Variants in RIMS4 observed in about 807,000 individuals in gnomAD.
The protein encoded by RIMS4 is regulating synaptic membrane exocytosis protein 4.
In RIMS4, 9 loss-of-function variants were observed where a neutral mutation model predicts 29.0. That is an observed-to-expected ratio of 0.31 (90% CI 0.19 to 0.54). The LOEUF is 0.54. Ranked by LOEUF, RIMS4 falls within the 20% of genes least tolerant of loss-of-function variation. The pLI, the probability that RIMS4 is intolerant of heterozygous loss-of-function variation, is 0.94. For synonymous variants in RIMS4, 130 were observed against 152.9 expected (o/e 0.85, Z 1.10); for missense variants, 193 against 365.7 (o/e 0.53, Z 3.85).
chr20:44,799,219 C>T (rs1315059069), intron 1 of RIMS4, among the ~76,000 whole-genome samples: 2 of 152,042 alleles, frequency 1.3e-5, no homozygotes, highest in Admixed American at 1.3e-4. Context: ...AGGAGAATTA[C>T]ATGAACCCAG....
At chr20:44,808,395 T>G (rs1481283750) in intron 1 of RIMS4, among the ~76,000 whole-genome samples, 3 of 152,130 alleles carry the variant, frequency 2.0e-5, no homozygotes, top group African/African-American at 7.2e-5. Context: ...AGCATGACTT[T>G]GAAGAAAAAC....
At chr20:44,795,818 C>T (rs1568905889) in intron 1 of RIMS4, among the ~76,000 whole-genome samples, 1 of 152,072 alleles carries the variant, frequency 6.6e-6, no homozygotes, top group Non-Finnish European at 1.5e-5. Flanking sequence ...TGGAACAGGT[C>T]ACGCAGCAGC....
At chr20:44,787,131 G>C (rs1237071363) in intron 1 of RIMS4, among the ~76,000 whole-genome samples, 1 of 152,138 alleles carries the variant, frequency 6.6e-6, no homozygotes, top group Non-Finnish European at 1.5e-5. Context: ...GAAACGTAAA[G>C]GCCCGTGGCA....
Position 44,756,153 on chromosome 20 carries a change from G to A in RIMS4, c.791C>T (p.Pro264Leu). Residue 264 changes from proline to leucine, a missense_variant, in exon 6 of 6, where the codon CCC becomes CTC. Physicochemically the swap from Pro to Leu is moderately conservative, Grantham distance 98. Coordinates refer to ENST00000372851, the MANE Select transcript of RIMS4 (RefSeq NM_182970.4). This position sits in a 1 kb window ranked among gnomAD's most constrained non-coding sequence, Gnocchi z 5.9. Reference sequence around the variant, plus strand: ...CCAGCACTAAGATCGTTCTCCGCAGGGCCCCACGGTGCTCTCGAGGGACAA... The same window carrying A: ...CCAGCACTAAGATCGTTCTCCGCAGAGCCCCACGGTGCTCTCGAGGGACAA... ...SQLSLESTVG[P>L]CGERS The A allele has an allele frequency of 3.7e-6, 6 of 1,609,636 alleles. No individual in the cohort carries two copies. Among genetic ancestry groups the A allele is most frequent in the Non-Finnish European group, 5.1e-6 (6 of 1,177,642 alleles).
chr20:44,800,418 G>T (rs987203024), intron 1 of RIMS4, among the ~76,000 whole-genome samples: 1 of 152,038 alleles, frequency 6.6e-6, no homozygotes, highest in African/African-American at 2.4e-5. Context: ...GCTTGTACCA[G>T]GGATGGGACA....
intron 1 of RIMS4, among the ~76,000 whole-genome samples, chr20:44,775,578 G>C (rs1001030524): frequency 1.3e-5 from 2 of 152,232 alleles, no homozygotes; most frequent in East Asian, 3.8e-4. Context: ...AGCCCCCAGA[G>C]TAACCCCACA....
intron 1 of RIMS4, among the ~76,000 whole-genome samples, chr20:44,783,180 C>T (rs540783463): frequency 5.3e-5 from 8 of 152,186 alleles, no homozygotes; most frequent in Non-Finnish European, 7.3e-5. Flanking sequence ...AAAACAAATC[C>T]GCTCCATTCA....
At chr20:44,803,155 G>A (rs558336380) in intron 1 of RIMS4, among the ~76,000 whole-genome samples, 7 of 152,210 alleles carry the variant, frequency 4.6e-5, no homozygotes, top group South Asian at 4.1e-4. Flanking sequence ...AACTCCCTGA[G>A]AGCAGAAACC....
At position 44,790,773 on chromosome 20, in the gene RIMS4, C is replaced by A. The variant is rs149281714; in HGVS notation, c.98-19360G>T. Among the ~76,000 whole-genome samples, 36 of 152,338 alleles carry A rather than the reference C, an allele frequency of 2.4e-4. 1 individual carries two copies. The East Asian group carries it at 6.7e-3, about 29-fold the overall frequency. On this transcript the variant is annotated intron_variant, in intron 1 of 5. Coordinates refer to ENST00000372851, the MANE Select transcript of RIMS4 (RefSeq NM_182970.4). ...TGGAAGGAGACAGAACCTACAAATTCTCCCCGCCACTGTTCAGAAGAGGCC... is the reference window on the plus strand; with the variant it reads ...TGGAAGGAGACAGAACCTACAAATTATCCCCGCCACTGTTCAGAAGAGGCC...
chr20:44,768,141 T>C (rs2066121783), intron 2 of RIMS4, among the ~76,000 whole-genome samples: 1 of 152,184 alleles, frequency 6.6e-6, no homozygotes, highest in African/African-American at 2.4e-5. Flanking sequence ...ACACAACATT[T>C]CCCAAGTTTT....
intron 1 of RIMS4, among the ~76,000 whole-genome samples, chr20:44,808,671 C>A (rs1330908073): frequency 6.6e-6 from 1 of 152,190 alleles, no homozygotes; most frequent in Non-Finnish European, 1.5e-5. Flanking sequence ...ACCCTTACCC[C>A]CATCCCCACC....
intron 2 of RIMS4, among the ~76,000 whole-genome samples, chr20:44,771,052 G>C (rs751542927): frequency 6.6e-6 from 1 of 152,192 alleles, no homozygotes; most frequent in Admixed American, 6.5e-5. Context: ...AGCAGGAAGG[G>C]GGTGGAGCCA....
chr20:44,808,893 A>AT (rs2066310540), intron 1 of RIMS4, among the ~76,000 whole-genome samples: 1 of 152,146 alleles, frequency 6.6e-6, no homozygotes, highest in Admixed American at 6.5e-5. Flanking sequence ...CGTAGGCTAC[A>AT]TTTTGTGGAT....
intron 1 of RIMS4, among the ~76,000 whole-genome samples, chr20:44,793,688 A>G (rs535532588): frequency 1.4e-4 from 21 of 152,272 alleles, no homozygotes; most frequent in African/African-American, 4.6e-4. Context: ...AATAAGAGTG[A>G]AGCCAGAGGC....
intron 1 of RIMS4, among the ~76,000 whole-genome samples, chr20:44,799,229 G>C (rs1180793887): frequency 6.6e-6 from 1 of 152,134 alleles, no homozygotes; most frequent in Non-Finnish European, 1.5e-5. Flanking sequence ...CATGAACCCA[G>C]GAGGCAGAGG....
intron 1 of RIMS4, among the ~76,000 whole-genome samples, chr20:44,790,327 A>G (rs1191932221): frequency 6.6e-6 from 1 of 152,200 alleles, no homozygotes; most frequent in Non-Finnish European, 1.5e-5. Flanking sequence ...GCCCAATAAT[A>G]ATGAAGGCAT....
chr20:44,797,191 A>G (rs1361339112), intron 1 of RIMS4, among the ~76,000 whole-genome samples: 1 of 152,224 alleles, frequency 6.6e-6, no homozygotes, highest in Non-Finnish European at 1.5e-5. Flanking sequence ...TCTGCAAACT[A>G]TGGGCCTCGG....
chr20:44,781,236 C>A (rs994870888), intron 1 of RIMS4, among the ~76,000 whole-genome samples: 3 of 152,122 alleles, frequency 2.0e-5, no homozygotes, highest in Admixed American at 1.3e-4. Context: ...TGAATTAAAC[C>A]CAGACCTTGC....
rs117427723 is a variant in RIMS4, at chr20:44,763,339, A to C, written c.237-5155T>G. On this transcript the variant is annotated intron_variant, in intron 2 of 5. Coordinates refer to ENST00000372851, the MANE Select transcript of RIMS4 (RefSeq NM_182970.4). ...TTGGGGAGAGTCAGAGAGCTAGTGT[A>C]GGCAAGGTGCTTTAGCACAGAGGAC... Among the ~76,000 whole-genome samples the C allele has an allele frequency of 4.0e-3, 603 of 152,356 alleles. 3 individuals are homozygous for C. Among genetic ancestry groups the C allele is most frequent in the Non-Finnish European group, 6.2e-3 (421 of 68,034 alleles).
Sources: allele counts gnomAD v4.1 joint callset (sites outside exome capture counted in the v4.1 genomes callset), GRCh38; gene constraint gnomAD v4.1.1; non-coding constraint Gnocchi (gnomAD v3.1); transcripts MANE v1.5; gene names NCBI Gene and HGNC (gene_info 2026-07-23, HGNC 2026-07-21).